The following MAP3K1 variants were observed in gnomAD, a reference collection of about 807,000 sequenced individuals.
The protein encoded by MAP3K1 is mitogen-activated protein kinase kinase kinase 1.
In MAP3K1, 36 loss-of-function variants were observed where a neutral mutation model predicts 144.2. The observed-to-expected ratio is 0.25, with a 90% confidence interval of 0.19 to 0.33. The LOEUF is 0.33. Ranked by LOEUF, MAP3K1 falls within the 10% of genes least tolerant of loss-of-function variation. MAP3K1 has a pLI of 1.00. For synonymous variants in MAP3K1, 718 were observed against 688.7 expected, an observed-to-expected ratio of 1.04 and a Z score of -0.67; for missense variants, 1,650 against 1,881.9, an observed-to-expected ratio of 0.88 and a Z score of 2.28.
At chr5:56,817,615 C>T (rs1423622) in intron 1 of MAP3K1, among the ~76,000 whole-genome samples, 8,790 of 152,220 alleles carry the variant, frequency 0.058, 356 homozygotes, top group South Asian at 0.15. Context: ...AGTTATGTAC[C>T]TCTATAGTTT....
rs953423555 is a variant in MAP3K1, at chr5:56,856,840, T to G, written c.633+90T>G. ...AAATAGATCCTCTTGTAAGCTTTTCTTCTTCATTTTAAATGTAGTAGTTTT... is the reference window on the plus strand; with the variant it reads ...AAATAGATCCTCTTGTAAGCTTTTCGTCTTCATTTTAAATGTAGTAGTTTT... On this transcript the variant is annotated intron_variant, in intron 2 of 19. Coordinates refer to ENST00000399503, the MANE Select transcript of MAP3K1 (RefSeq NM_005921.2). 6 of 1,365,718 alleles carry G rather than the reference T, an allele frequency of 4.4e-6. No homozygotes were observed. In the Admixed American group the frequency reaches 9.2e-5, roughly 21 times the overall value. 84.6% of individuals were successfully genotyped at this position (1,365,718 alleles called of 1,614,324 possible). A position where few individuals can be genotyped will look rare whatever the true frequency, so the allele number is the denominator to read the frequency against.
Position 56,819,952 on chromosome 5 carries a change from A to G in MAP3K1, c.482+3897A>G, listed in dbSNP as rs376113294. Among the ~76,000 whole-genome samples the G allele has an allele frequency of 5.3e-4, 81 of 152,360 alleles. 1 individual carries two copies. In the South Asian group the frequency reaches 0.016, roughly 30 times the overall value. On this transcript the variant is annotated intron_variant, in intron 1 of 19. Transcript: ENST00000399503. ...TATTTAAGAACATGTTTAATCATGA[A>G]AGAAATAATCAGGGCCGGAATTAGT...
chr5:56,825,008 C>T (rs1561162739), intron 1 of MAP3K1, among the ~76,000 whole-genome samples: 2 of 150,932 alleles, frequency 1.3e-5, no homozygotes, highest in Admixed American at 6.6e-5. Flanking sequence ...CTAGATTCTT[C>T]TTTTTTTGTT....
intron 2 of MAP3K1, among the ~76,000 whole-genome samples, chr5:56,859,405 T>C (rs1348699905): frequency 6.6e-6 from 1 of 152,136 alleles, no homozygotes; most frequent in Non-Finnish European, 1.5e-5. Flanking sequence ...TGCTTTTGAG[T>C]GTTAAATGAG....
At chr5:56,876,978 A>G (rs1037574278) in intron 10 of MAP3K1, among the ~76,000 whole-genome samples, 31 of 152,178 alleles carry the variant, frequency 2.0e-4, no homozygotes, top group Admixed American at 8.5e-4. Flanking sequence ...TTCAGTTAAG[A>G]TTGGTGAACA....
chr5:56,839,798 G>A (rs771301240), intron 1 of MAP3K1, among the ~76,000 whole-genome samples: 2 of 152,182 alleles, frequency 1.3e-5, no homozygotes, highest in Non-Finnish European at 2.9e-5. Flanking sequence ...ACCCTGCAAC[G>A]GGATGACATC....
chr5:56,860,256 A>T (rs1226918695), intron 3 of MAP3K1, among the ~76,000 whole-genome samples: 1 of 152,244 alleles, frequency 6.6e-6, no homozygotes, highest in Non-Finnish European at 1.5e-5. Context: ...TGCCAGTTAC[A>T]CTTGATAATG....
At position 56,869,237 on chromosome 5, in the gene MAP3K1, CT is replaced by C; in HGVS notation, c.1302-2672del. ...AGTGAGCTATACTTGTGCCGCTGTA[CT>C]ACAGTCTGGGTGACAGAGCAAGAAC... On this transcript the variant is annotated intron_variant, in intron 6 of 19. Transcript: ENST00000399503. Among the ~76,000 whole-genome samples, 3 of 152,222 alleles carry C rather than the reference CT, an allele frequency of 2.0e-5. No individual in the cohort carries two copies. The East Asian group carries it at 5.8e-4, about 29-fold the overall frequency.
chr5:56,823,671 GCA>G (rs1313672830), intron 1 of MAP3K1, among the ~76,000 whole-genome samples: 1 of 152,182 alleles, frequency 6.6e-6, no homozygotes, highest in Non-Finnish European at 1.5e-5. Context: ...GTGTTAAATG[GCA>G]AAAGTCTAGA....
At chr5:56,819,635 A>G (rs1746093896) in intron 1 of MAP3K1, among the ~76,000 whole-genome samples, 1 of 152,140 alleles carries the variant, frequency 6.6e-6, no homozygotes, top group African/African-American at 2.4e-5. Context: ...TACTCCAGTC[A>G]TCTTCTTGGG....
At chr5:56,838,132 G>A (rs1316019674) in intron 1 of MAP3K1, among the ~76,000 whole-genome samples, 1 of 152,116 alleles carries the variant, frequency 6.6e-6, no homozygotes, top group Non-Finnish European at 1.5e-5. Flanking sequence ...ACTTTGGTCC[G>A]GTATCAGTCA....
chr5:56,849,481 T>G (rs971317602), intron 1 of MAP3K1, among the ~76,000 whole-genome samples: 1 of 152,236 alleles, frequency 6.6e-6, no homozygotes, highest in African/African-American at 2.4e-5. Context: ...TCTTTAGTCC[T>G]CAGGGTCAAA....
chr5:56,861,561 A>C (rs546200585), intron 3 of MAP3K1, among the ~76,000 whole-genome samples: 6 of 115,872 alleles, frequency 5.2e-5, no homozygotes, highest in Admixed American at 1.9e-4. Flanking sequence ...CGACAGAGTG[A>C]GACTCCTAAA....
chr5:56,831,530 C>G (rs1746493291), intron 1 of MAP3K1, among the ~76,000 whole-genome samples: 1 of 152,044 alleles, frequency 6.6e-6, no homozygotes, highest in African/African-American at 2.4e-5. Context: ...TTAATCAGAC[C>G]AACTATCAGG....
At chr5:56,888,477 A>ACAGAC in intron 19 of MAP3K1, 120 bp downstream of exon 19, 3 of 865,382 alleles carry the variant, frequency 3.5e-6, no homozygotes, top group Non-Finnish European at 5.6e-6. Flanking sequence ...AATAGTCTGT[A>ACAGAC]TATTTATTCA....
chr5:56,858,156 A>G (rs1281780318), intron 2 of MAP3K1, among the ~76,000 whole-genome samples: 2 of 152,224 alleles, frequency 1.3e-5, no homozygotes, highest in Non-Finnish European at 2.9e-5. Context: ...CTACTCAATC[A>G]ATATAAAGAA....
At chr5:56,886,222 G>A (rs1416698422) in intron 17 of MAP3K1, among the ~76,000 whole-genome samples, 159 bp downstream of exon 17, 2 of 152,124 alleles carry the variant, frequency 1.3e-5, no homozygotes, top group Admixed American at 1.3e-4. Context: ...AGGCCAACAT[G>A]GTGAAACCCT....
Position 56,872,894 on chromosome 5 carries a change from G to A in MAP3K1, c.1575G>A (p.Gln525=), listed in dbSNP as rs757241131. 1 of 1,614,148 alleles carries A rather than the reference G, an allele frequency of 6.2e-7. No homozygotes were observed. The highest frequency in any genetic ancestry group is 8.5e-7 in the Non-Finnish European group (1 of 1,180,002). The change falls in exon 9 of 20, where the codon CAG becomes CAA. Residue 525 remains glutamine, a synonymous_variant. Transcript: ENST00000399503. The stretch of plus-strand genomic sequence containing the variant: ...CTGCACAGCAGCAAACCGTACAGCA[G>A]CAGCCTTTGGCTGGATCACGAAGGA... ...LRAAQQQTVQ[Q]QPLAGSRRNQ... is the part of the protein sequence containing the mutation.
At chr5:56,863,053 G>A (rs1425489377) in intron 3 of MAP3K1, among the ~76,000 whole-genome samples, 1 of 152,124 alleles carries the variant, frequency 6.6e-6, no homozygotes, top group Admixed American at 6.5e-5. Flanking sequence ...ATCACAAACA[G>A]CCAGCCAGCC....
Sources: allele counts gnomAD v4.1 joint callset (sites outside exome capture counted in the v4.1 genomes callset), GRCh38; gene constraint gnomAD v4.1.1; transcripts MANE v1.5; gene names NCBI Gene and HGNC (gene_info 2026-07-23, HGNC 2026-07-21).